Variants in PTPN4 observed in about 807,000 individuals in gnomAD.
PTPN4 encodes protein tyrosine phosphatase non-receptor type 4, also known as tyrosine-protein phosphatase non-receptor type 4.
PTPN4 carries 49 observed loss-of-function variants against 135.5 expected under a neutral mutation model. That is an observed-to-expected ratio of 0.36 (90% CI 0.29 to 0.46). The LOEUF is 0.46. Among genes scored for constraint, PTPN4 ranks in the 20% least tolerant of loss-of-function variants. The pLI is 1.00. For synonymous variants in PTPN4, 333 were observed against 369.9 expected (o/e 0.90, Z 1.14); for missense variants, 860 against 1,101.0 (o/e 0.78, Z 3.10).
chr2:119,936,008 AT>A (rs902869004), intron 15 of PTPN4, among the ~76,000 whole-genome samples: 50 of 147,622 alleles, frequency 3.4e-4, no homozygotes, highest in Admixed American at 4.1e-4. Context: ...CCACATGTAA[AT>A]TTTTTTTTTT....
intron 3 of PTPN4, among the ~76,000 whole-genome samples, chr2:119,876,944 T>G (rs1210247156): frequency 7.2e-6 from 1 of 138,936 alleles, no homozygotes; most frequent in Admixed American, 7.2e-5. Context: ...TGTGTGTGCG[T>G]GAAGGGTGAA....
intron 22 of PTPN4, among the ~76,000 whole-genome samples, chr2:119,958,707 C>T (rs1162158330): frequency 6.6e-6 from 1 of 152,184 alleles, no homozygotes; most frequent in Non-Finnish European, 1.5e-5. Context: ...AAAGTCACAA[C>T]ATTTTAATTA....
chr2:119,848,028 A>G (rs1677531012), intron 2 of PTPN4, among the ~76,000 whole-genome samples: 1 of 150,700 alleles, frequency 6.6e-6, no homozygotes, highest in Non-Finnish European at 1.5e-5. Flanking sequence ...TTTTGGGGGC[A>G]TTTTTACTCT....
intron 2 of PTPN4, among the ~76,000 whole-genome samples, chr2:119,837,817 G>T (rs949748110): frequency 6.6e-6 from 1 of 152,222 alleles, no homozygotes; most frequent in African/African-American, 2.4e-5. Flanking sequence ...CTAGATTCAG[G>T]TGCCCGCATC....
intron 15 of PTPN4, among the ~76,000 whole-genome samples, chr2:119,940,923 A>T (rs1475772006): frequency 6.6e-6 from 1 of 152,002 alleles, no homozygotes; most frequent in African/African-American, 2.4e-5. Context: ...ACTTTCCCTA[A>T]CTCAGATCTT....
At chr2:119,937,737 C>T (rs545922356) in intron 15 of PTPN4, among the ~76,000 whole-genome samples, 1 of 152,252 alleles carries the variant, frequency 6.6e-6, no homozygotes, top group Non-Finnish European at 1.5e-5. Context: ...TCGAATATAA[C>T]ATTTTCATTA....
chr2:119,897,122 G>A (rs541135416), intron 9 of PTPN4, among the ~76,000 whole-genome samples: 5 of 151,968 alleles, frequency 3.3e-5, no homozygotes, highest in African/African-American at 4.8e-5. Context: ...TGATAGAGAC[G>A]GGGTTTCACC....
At chr2:119,806,893 G>A in intron 1 of PTPN4, among the ~76,000 whole-genome samples, 1 of 152,098 alleles carries the variant, frequency 6.6e-6, no homozygotes, top group Non-Finnish European at 1.5e-5. Context: ...AGACCACAAT[G>A]CAATCAAATT....
chr2:119,933,744 C>G (rs1678942324), intron 14 of PTPN4, among the ~76,000 whole-genome samples: 1 of 151,388 alleles, frequency 6.6e-6, no homozygotes, highest in East Asian at 1.9e-4. Flanking sequence ...CATATCAGAA[C>G]AGTTTATACA....
chr2:119,801,371 A>G (rs1263644465), intron 1 of PTPN4, among the ~76,000 whole-genome samples: 1 of 152,192 alleles, frequency 6.6e-6, no homozygotes, highest in Non-Finnish European at 1.5e-5. Flanking sequence ...TACAGGCGTG[A>G]GTCACTGCGC....
At chr2:119,809,633 C>A (rs934333484) in intron 1 of PTPN4, among the ~76,000 whole-genome samples, 3 of 151,694 alleles carry the variant, frequency 2.0e-5, no homozygotes, top group African/African-American at 2.4e-5. Context: ...AAAAAAAAAA[C>A]CTCTTTTTCA....
At chr2:119,925,211 TGC>T (rs1678804476) in intron 12 of PTPN4, among the ~76,000 whole-genome samples, 1 of 152,162 alleles carries the variant, frequency 6.6e-6, no homozygotes, top group African/African-American at 2.4e-5. Context: ...TGCCAGCAGC[TGC>T]CAGTTTCCTG....
chr2:119,862,698 G>A (rs2104988010), intron 3 of PTPN4, 55 bp downstream of exon 3: 1 of 1,427,134 alleles, frequency 7.0e-7, no homozygotes, highest in South Asian at 1.2e-5. Context: ...TCAGTTTAGT[G>A]TAGAAAGTCC....
chr2:119,789,866 G>C (rs1347952414), intron 1 of PTPN4, among the ~76,000 whole-genome samples: 2 of 151,978 alleles, frequency 1.3e-5, no homozygotes, highest in African/African-American at 4.8e-5. Flanking sequence ...GGGATTACAG[G>C]TGCATACCAC....
Position 119,784,830 on chromosome 2 carries a change from G to A in PTPN4, c.-18+24446G>A, listed in dbSNP as rs527950786. On this transcript the variant is annotated intron_variant, in intron 1 of 26. Transcript: ENST00000263708. ...TAAGATTATAGGCGTGAGCCACCAT[G>A]CCTGGTCAGTCTTCTAACTCTTGAA... is the stretch of plus-strand genomic sequence containing the variant. Among the ~76,000 whole-genome samples the A allele has an allele frequency of 9.3e-5, 14 of 150,980 alleles. 1 individual carries two copies. The South Asian group carries it at 2.1e-3, about 23-fold the overall frequency.
At chr2:119,824,486 C>G (rs1385500743) in intron 2 of PTPN4, among the ~76,000 whole-genome samples, 1 of 152,120 alleles carries the variant, frequency 6.6e-6, no homozygotes, top group Admixed American at 6.5e-5. Context: ...TATATCTTTG[C>G]TGCTTTTCTT....
chr2:119,960,122 T>C (rs749430339), intron 22 of PTPN4, among the ~76,000 whole-genome samples: 3 of 152,182 alleles, frequency 2.0e-5, no homozygotes, highest in Non-Finnish European at 4.4e-5. Context: ...AAGATTACCT[T>C]CCTGGCTGCA....
At chr2:119,916,974 T>C (rs1239924033) in intron 11 of PTPN4, among the ~76,000 whole-genome samples, 1 of 152,226 alleles carries the variant, frequency 6.6e-6, no homozygotes, top group Non-Finnish European at 1.5e-5. Flanking sequence ...TGGAAATTAT[T>C]TTACATGTTT....
chr2:119,782,037 G>T (rs1270305851), intron 1 of PTPN4, among the ~76,000 whole-genome samples: 1 of 152,118 alleles, frequency 6.6e-6, no homozygotes, highest in Non-Finnish European at 1.5e-5. Context: ...TCGAATTTTA[G>T]AATTAGAAGG....
Sources: allele counts gnomAD v4.1 joint callset (sites outside exome capture counted in the v4.1 genomes callset), GRCh38; gene constraint gnomAD v4.1.1; transcripts MANE v1.5; gene names NCBI Gene and HGNC (gene_info 2026-07-23, HGNC 2026-07-21).